The following CDC27 variants were observed in gnomAD, a reference collection of about 807,000 sequenced individuals.
CDC27 encodes the protein cell division cycle protein 27 homolog.
CDC27 carries 27 observed loss-of-function variants against 109.7 expected under a neutral mutation model. The ratio of observed to expected loss-of-function variants is 0.25; its 90% CI spans 0.18 to 0.34. The LOEUF is 0.34. Among genes scored for constraint, CDC27 ranks in the 10% least tolerant of loss-of-function variants. The pLI is 1.00. For synonymous variants in CDC27, 266 were observed against 333.9 expected (o/e 0.80, Z 2.22); for missense variants, 579 against 960.2 (o/e 0.60, Z 5.25).
intron 17 of CDC27, 106 bp from the exon 18 acceptor site, chr17:47,122,706 C>G: frequency 1.3e-6 from 1 of 793,800 alleles, no homozygotes; most frequent in Non-Finnish European, 1.8e-6. Context: ...TGGAGTCTCA[C>G]TCTATTACCC....
Position 47,186,578 on chromosome 17 carries a change from G to C in CDC27, c.27+2568C>G, listed in dbSNP as rs183078406. 1.7e-4 allele frequency among the ~76,000 whole-genome samples: 26 copies of C among 152,238 alleles called. No individual in the cohort carries two copies. In the East Asian group the frequency reaches 5.0e-3, roughly 29 times the overall value. Reference sequence around the variant, plus strand: ...TCACTGAAGTCACTTAGGCTAGTGTGTCTTTCCAAATAGTTACCATTAAAA... The same window carrying C: ...TCACTGAAGTCACTTAGGCTAGTGTCTCTTTCCAAATAGTTACCATTAAAA... On this transcript the variant is annotated intron_variant, in intron 1 of 18. Coordinates refer to ENST00000066544, the MANE Select transcript of CDC27 (RefSeq NM_001256.6).
intron 10 of CDC27, among the ~76,000 whole-genome samples, chr17:47,142,647 C>T (rs1022728972): frequency 6.6e-6 from 1 of 152,112 alleles, no homozygotes; most frequent in African/African-American, 2.4e-5. Context: ...CTAATAGTGA[C>T]TAAGGTGTGT....
At chr17:47,159,312 T>C in intron 4 of CDC27, 3 of 660,152 alleles carry the variant, frequency 4.5e-6, no homozygotes, top group Non-Finnish European at 7.4e-6. Flanking sequence ...CTTCCAGAGG[T>C]CCGGGGTCAG....
chr17:47,122,450 G>C lies in CDC27; in HGVS notation c.2386C>G (p.Gln796Glu). The change falls in exon 18 of 19, where the codon CAG (glutamine) becomes GAG (glutamate). Residue 796 changes from glutamine (Q) to glutamate (E), a missense_variant. Transcript: ENST00000066544. ...TCATATGTATGATACTTACTGATCT[G>C]TTCTTCTTGGGTTATTGGCTCCTCA... ...DDEEPITQEE[Q>E]IMGTDESQES... 1 of 1,599,008 alleles carries C rather than the reference G, an allele frequency of 6.3e-7. No homozygotes were observed. Among genetic ancestry groups the C allele is most frequent in the Non-Finnish European group, 8.5e-7 (1 of 1,172,140 alleles).
chr17:47,121,742 T>G (rs1466066731), intron 18 of CDC27, among the ~76,000 whole-genome samples: 1 of 28,554 alleles, frequency 3.5e-5, no homozygotes, highest in East Asian at 4.6e-4. Flanking sequence ...ATATATATAC[T>G]TTTTTTTTTT....
chr17:47,132,988 CATAT>C (rs1158266100), intron 14 of CDC27, among the ~76,000 whole-genome samples: 755 of 40,746 alleles, frequency 0.019, 12 homozygotes, highest in Middle Eastern at 0.034. Context: ...TGCCCAGGCG[CATAT>C]ATATATATAT....
chr17:47,142,546 T>C, intron 10 of CDC27, 110 bp from the exon 11 acceptor site: 1 of 515,758 alleles, frequency 1.9e-6, no homozygotes. Context: ...TGATTAATTC[T>C]ATATTTTTTT....
At chr17:47,177,746 T>A (rs1225160569) in intron 2 of CDC27, among the ~76,000 whole-genome samples, 1 of 152,116 alleles carries the variant, frequency 6.6e-6, no homozygotes, top group Non-Finnish European at 1.5e-5. Context: ...CTAGTTACAA[T>A]CCTCTTAGTC....
At chr17:47,157,887 A>G (rs1043514799) in intron 5 of CDC27, among the ~76,000 whole-genome samples, 3 of 152,180 alleles carry the variant, frequency 2.0e-5, no homozygotes, top group African/African-American at 4.8e-5. Flanking sequence ...ATTGCATTAG[A>G]AATTTTATTA....
chr17:47,127,487 C>T (rs534431240), intron 16 of CDC27, among the ~76,000 whole-genome samples: 21 of 152,172 alleles, frequency 1.4e-4, no homozygotes, highest in African/African-American at 4.6e-4. Flanking sequence ...ACTGCAACCT[C>T]TGCCTTCCAG....
At chr17:47,153,287 TA>T (rs1753513069) in intron 8 of CDC27, among the ~76,000 whole-genome samples, 1 of 152,248 alleles carries the variant, frequency 6.6e-6, no homozygotes, top group Admixed American at 6.5e-5. Flanking sequence ...ATCTGGGCAC[TA>T]AAATCATGTG....
At chr17:47,141,296 G>A (rs952796420) in intron 12 of CDC27, among the ~76,000 whole-genome samples, 1 of 151,898 alleles carries the variant, frequency 6.6e-6, no homozygotes, top group Non-Finnish European at 1.5e-5. Context: ...AAGAACTAAG[G>A]GGTAATATAA....
chr17:47,179,074 A>AT (rs2064126431), intron 2 of CDC27, among the ~76,000 whole-genome samples: 1 of 152,134 alleles, frequency 6.6e-6, no homozygotes, highest in South Asian at 2.1e-4. Flanking sequence ...ATTCTCTCTT[A>AT]TATCATTCTG....
intron 1 of CDC27, among the ~76,000 whole-genome samples, chr17:47,187,391 C>T (rs1349146486): frequency 6.6e-6 from 1 of 152,092 alleles, no homozygotes; most frequent in Non-Finnish European, 1.5e-5. Flanking sequence ...AACTCCATCT[C>T]CTGGGTTCAG....
chr17:47,124,256 CATCT>C lies in CDC27; in HGVS notation c.2161-300_2161-297del, dbSNP rs71365043. ...GGTGGTAACAATCCTTGCTTTTGGT[CATCT>C]ATCTATCTATCTATCTATCTATCTA... On this transcript the variant is annotated intron_variant, in intron 16 of 18. Transcript: ENST00000066544. Among the ~76,000 whole-genome samples, 1,215 of 148,274 alleles carry C rather than the reference CATCT, an allele frequency of 8.2e-3. 8 individuals carry two copies. Among genetic ancestry groups the C allele is most frequent in the Middle Eastern group, 0.017 (5 of 290 alleles).
At chr17:47,151,524 T>G (rs916918955) in intron 9 of CDC27, among the ~76,000 whole-genome samples, 2 of 152,232 alleles carry the variant, frequency 1.3e-5, no homozygotes, top group African/African-American at 4.8e-5. Context: ...TATCTGTACC[T>G]AAACTATAGA....
intron 16 of CDC27, among the ~76,000 whole-genome samples, chr17:47,126,472 T>TGAG (rs2062143953): frequency 6.6e-6 from 1 of 152,172 alleles, no homozygotes; most frequent in African/African-American, 2.4e-5. Context: ...GGAGTCTCTC[T>TGAG]GGTCCTACTT....
chr17:47,156,920 T>C lies in CDC27; in HGVS notation c.835A>G (p.Thr279Ala). The C allele has an allele frequency of 2.2e-6, 3 of 1,363,428 alleles. No homozygotes were observed. Among genetic ancestry groups the C allele is most frequent in the Non-Finnish European group, 3.1e-6 (3 of 982,892 alleles). 84.5% of individuals were successfully genotyped at this position (1,363,428 alleles called of 1,614,324 possible). The stretch of plus-strand genomic sequence containing the variant: ...GTATCTTGTTTGACTTACCTTGGGG[T>C]TAATGGACTAAGAGCTGCTGGTCCT... ...LGGPAALSPL[T>A]PSFGILPLET... The change falls in exon 7 of 19, where the codon ACC becomes GCC. Residue 279 changes from threonine (T) to alanine (A), a missense_variant. Physicochemically the swap from Thr to Ala is moderately conservative, Grantham distance 58. Around this residue, in one of 9 missense-constraint regions of CDC27, gnomAD observed 74 missense variants for 148.9 expected, o/e 0.50. Coordinates refer to ENST00000066544, the MANE Select transcript of CDC27 (RefSeq NM_001256.6).
At position 47,180,640 on chromosome 17, in the gene CDC27, A is replaced by G. The variant is rs536153857; in HGVS notation, c.103+922T>C. 2.1e-3 allele frequency among the ~76,000 whole-genome samples: 324 copies of G among 152,118 alleles called. 4 individuals are homozygous for G. The highest frequency in any genetic ancestry group is 7.3e-3 in the African/African-American group (303 of 41,516). ...AAAAAAAAGCTGTACACAATGATCT[A>G]TATCAGCATCTTAGAAAGGGAATTA... On this transcript the variant is annotated intron_variant, in intron 2 of 18. Coordinates refer to ENST00000066544, the MANE Select transcript of CDC27 (RefSeq NM_001256.6).
Sources: gnomAD v4.1 joint callset for allele counts (sites outside exome capture counted in the v4.1 genomes callset) on GRCh38, gnomAD v4.1.1 for gene constraint, gnomAD v4.1.1 regional missense constraint, MANE v1.5 for transcripts, NCBI Gene and HGNC (gene_info 2026-07-23, HGNC 2026-07-21) for gene names.